The following MITF variants were observed in gnomAD, a reference collection of about 807,000 sequenced individuals.
MITF encodes the protein microphthalmia-associated transcription factor.
In MITF, 17 loss-of-function variants were observed where a neutral mutation model predicts 60.5. The ratio of observed to expected loss-of-function variants is 0.28; its 90% confidence interval spans 0.19 to 0.42. The LOEUF is 0.42. MITF is among the 10% of genes least tolerant of loss of function. MITF has a pLI of 1.00. For synonymous variants in MITF, 260 were observed against 248.5 expected, an observed-to-expected ratio of 1.05 and a Z score of -0.43; for missense variants, 622 against 683.5, an observed-to-expected ratio of 0.91 and a Z score of 1.00.
intron 1 of MITF, among the ~76,000 whole-genome samples, chr3:69,849,765 C>A (rs1344071812): frequency 6.6e-6 from 1 of 152,156 alleles, no homozygotes; most frequent in Non-Finnish European, 1.5e-5. Context: ...TCCCTACTTT[C>A]CTCCTGTTTC....
chr3:69,937,092 G>A (rs762442871), intron 2 of MITF: 12 of 225,246 alleles, frequency 5.3e-5, no homozygotes, highest in African/African-American at 7.0e-5. Flanking sequence ...AGTATTTCTC[G>A]TTCTGAATTA....
chr3:69,758,916 CTG>C (rs2062169909), intron 1 of MITF, among the ~76,000 whole-genome samples: 2 of 152,128 alleles, frequency 1.3e-5, no homozygotes, highest in African/African-American at 4.8e-5. Context: ...CTTGGGATAA[CTG>C]TGAGGATTAT....
At chr3:69,817,027 T>G (rs981832471) in intron 1 of MITF, among the ~76,000 whole-genome samples, 1 of 152,130 alleles carries the variant, frequency 6.6e-6, no homozygotes, top group Admixed American at 6.6e-5. Context: ...ACAGAAAAAT[T>G]CATTGATGAC....
intron 1 of MITF, among the ~76,000 whole-genome samples, chr3:69,867,367 T>A (rs1450127142): frequency 2.6e-5 from 4 of 152,198 alleles, no homozygotes; most frequent in Non-Finnish European, 5.9e-5. Context: ...TAAGTGTGGG[T>A]TAAAGTTCAT....
chr3:69,843,666 G>A (rs930887080), intron 1 of MITF, among the ~76,000 whole-genome samples: 1 of 152,046 alleles, frequency 6.6e-6, no homozygotes, highest in East Asian at 1.9e-4. Flanking sequence ...TATGTATATA[G>A]TTAGTCATGT....
chr3:69,855,813 A>T (rs987880120), intron 1 of MITF, among the ~76,000 whole-genome samples: 1 of 152,202 alleles, frequency 6.6e-6, no homozygotes, highest in Non-Finnish European at 1.5e-5. Flanking sequence ...TTATATATCG[A>T]AGCATCAACC....
At chr3:69,798,047 A>G (rs1451000340) in intron 1 of MITF, among the ~76,000 whole-genome samples, 1 of 152,190 alleles carries the variant, frequency 6.6e-6, no homozygotes, top group Non-Finnish European at 1.5e-5. Flanking sequence ...GTGGATCTGA[A>G]TCCCAGTACT....
In MITF at chr3:69,739,505, G is replaced by T; in HGVS notation, c.-93G>T. ...GCAGAGCTCGGCACTGCGCCGGGGC[G>T]CACGGCTCGGGGGACCCAGGCCCAG... On this transcript the variant is annotated 5_prime_UTR_variant, in exon 1 of 10. Coordinates refer to ENST00000352241, the MANE Select transcript of MITF (RefSeq NM_001354604.2). 2 of 1,201,184 alleles carry T rather than the reference G, an allele frequency of 1.7e-6. No homozygotes were observed. Among genetic ancestry groups the T allele is most frequent in the Non-Finnish European group, 2.4e-6 (2 of 831,250 alleles). 74.4% of individuals were successfully genotyped at this position (1,201,184 alleles called of 1,614,324 possible).
At chr3:69,902,579 A>AG (rs1157877722) in intron 2 of MITF, among the ~76,000 whole-genome samples, 1 of 152,238 alleles carries the variant, frequency 6.6e-6, no homozygotes, top group Admixed American at 6.5e-5. Flanking sequence ...GATAGCTCAT[A>AG]GGTTATTCTG....
chr3:69,812,030 C>T (rs536591661), intron 1 of MITF, among the ~76,000 whole-genome samples: 1 of 152,272 alleles, frequency 6.6e-6, no homozygotes, highest in South Asian at 2.1e-4. Flanking sequence ...GTACTTCCTT[C>T]AGTGGGTTTC....
At chr3:69,789,247 T>G (rs1279475550) in intron 1 of MITF, among the ~76,000 whole-genome samples, 3 of 152,178 alleles carry the variant, frequency 2.0e-5, no homozygotes, top group Non-Finnish European at 4.4e-5. Flanking sequence ...ATCTAATAAT[T>G]GGTTAATATC....
rs2107512686 is a variant in MITF, at chr3:69,949,558, A to G, written c.880+390A>G. On this transcript the variant is annotated intron_variant, in intron 6 of 9. Transcript: ENST00000352241. ...GAGGCATTTGCATTTGAGAACCCAGATCTGAATTTTCCTTTGACACACATT... is the reference window on the plus strand; with the variant it reads ...GAGGCATTTGCATTTGAGAACCCAGGTCTGAATTTTCCTTTGACACACATT... Among the ~76,000 whole-genome samples the G allele has an allele frequency of 2.0e-5, 3 of 152,272 alleles. No individual in the cohort carries two copies. The Middle Eastern group carries it at 0.01, about 518-fold the overall frequency.
At chr3:69,813,987 A>G (rs2063141545) in intron 1 of MITF, among the ~76,000 whole-genome samples, 1 of 152,150 alleles carries the variant, frequency 6.6e-6, no homozygotes, top group Non-Finnish European at 1.5e-5. Context: ...TCATTGTTTC[A>G]TATGCCCTTC....
intron 2 of MITF, among the ~76,000 whole-genome samples, chr3:69,904,107 G>T (rs1038817872): frequency 2.0e-5 from 3 of 151,976 alleles, no homozygotes; most frequent in African/African-American, 7.3e-5. Flanking sequence ...GCTTGAACCA[G>T]TATCACCCAT....
intron 1 of MITF, among the ~76,000 whole-genome samples, chr3:69,751,849 A>G (rs898310263): frequency 6.6e-6 from 1 of 151,992 alleles, no homozygotes; most frequent in Non-Finnish European, 1.5e-5. Flanking sequence ...GTGGGAGGTG[A>G]TTGGGTCATG....
intron 1 of MITF, among the ~76,000 whole-genome samples, chr3:69,843,735 G>A (rs755085485): frequency 1.7e-4 from 26 of 151,926 alleles, no homozygotes; most frequent in African/African-American, 4.8e-4. Flanking sequence ...GACCCATACC[G>A]TTTTTGTTTG....
chr3:69,874,091 A>G (rs1302938595), intron 1 of MITF, among the ~76,000 whole-genome samples: 1 of 152,212 alleles, frequency 6.6e-6, no homozygotes, highest in Non-Finnish European at 1.5e-5. Flanking sequence ...AATATCCACC[A>G]CTGTGCCTCC....
At chr3:69,921,519 C>T (rs35600211) in intron 2 of MITF, among the ~76,000 whole-genome samples, 213 of 152,274 alleles carry the variant, frequency 1.4e-3, no homozygotes, top group Admixed American at 2.7e-3. Flanking sequence ...CATAGCTTTT[C>T]CTGTCCATCT....
intron 1 of MITF, among the ~76,000 whole-genome samples, chr3:69,836,835 G>A (rs1325588326): frequency 6.6e-6 from 1 of 152,180 alleles, no homozygotes; most frequent in African/African-American, 2.4e-5. Flanking sequence ...ATATATTCAT[G>A]TGTATATTAA....
Sources: gnomAD v4.1 joint callset for allele counts (sites outside exome capture counted in the v4.1 genomes callset) on GRCh38, gnomAD v4.1.1 for gene constraint, MANE v1.5 for transcripts, NCBI Gene and HGNC (gene_info 2026-07-23, HGNC 2026-07-21) for gene names.